The following MTUS1 variants were observed in gnomAD, a reference collection of about 807,000 sequenced individuals.
MTUS1 encodes the protein microtubule associated scaffold protein 1.
MTUS1 carries 109 observed loss-of-function variants against 120.8 expected under a neutral mutation model. The ratio of observed to expected loss-of-function variants is 0.90; its 90% CI spans 0.77 to 1.06. MTUS1 has a LOEUF of 1.06. Among genes scored for constraint, MTUS1 ranks in the 50% least tolerant of loss-of-function variants. The probability of loss-of-function intolerance (pLI) is 0.00; values close to 1 mark genes in which losing one functional copy is unlikely to be tolerated. For missense variants in MTUS1, 2,210 were observed against 1,486.3 expected, an observed-to-expected ratio of 1.49 and a Z score of -8.01; for synonymous variants, 737 against 550.5, an observed-to-expected ratio of 1.34 and a Z score of -4.74.
chr8:17,697,380 C>T (rs765838443), intron 6 of MTUS1: 1 of 1,613,758 alleles, frequency 6.2e-7, no homozygotes, highest in Admixed American at 1.7e-5. Context: ...AACAACATGT[C>T]TTCGGAGCAG....
At chr8:17,740,454 A>C (rs967037694) in intron 3 of MTUS1, among the ~76,000 whole-genome samples, 23 of 152,200 alleles carry the variant, frequency 1.5e-4, no homozygotes, top group African/African-American at 5.3e-4. Flanking sequence ...CAATTTGCTA[A>C]TACACACAGA....
At chr8:17,778,958 TCTG>T (rs1036100310) in intron 1 of MTUS1, among the ~76,000 whole-genome samples, 19 of 152,162 alleles carry the variant, frequency 1.2e-4, no homozygotes, top group African/African-American at 4.3e-4. Context: ...TGCCAAATGC[TCTG>T]CTATGAGCTA....
chr8:17,673,100 G>A (rs941034414), intron 8 of MTUS1, among the ~76,000 whole-genome samples: 1 of 152,128 alleles, frequency 6.6e-6, no homozygotes, highest in Admixed American at 6.5e-5. Context: ...CCTCTTTCCT[G>A]ATCTTCTAAC....
intron 7 of MTUS1, chr8:17,676,491 G>A (rs1302976052): frequency 1.7e-6 from 1 of 603,178 alleles, no homozygotes; most frequent in East Asian, 2.8e-5. Flanking sequence ...AGGTTACCGT[G>A]TGCCTCGGAT....
At chr8:17,671,558 G>T (rs779470936) in intron 8 of MTUS1, among the ~76,000 whole-genome samples, 1 of 152,190 alleles carries the variant, frequency 6.6e-6, no homozygotes, top group Non-Finnish European at 1.5e-5. Flanking sequence ...AAACACACAG[G>T]CTGCTTTGGA....
chr8:17,679,515 ATT>A (rs796625369), intron 7 of MTUS1, among the ~76,000 whole-genome samples: 1 of 37,052 alleles, frequency 2.7e-5, no homozygotes, highest in Non-Finnish European at 1.1e-4. Flanking sequence ...TTATTTATTT[ATT>A]TTTTGAGACA....
At chr8:17,757,528 AT>A (rs1563338849) in intron 1 of MTUS1, among the ~76,000 whole-genome samples, 2 of 152,142 alleles carry the variant, frequency 1.3e-5, no homozygotes, top group African/African-American at 4.8e-5. Context: ...TTGCAAATAA[AT>A]TATTATTGCT....
At chr8:17,660,449 G>C (rs1300756519) in intron 8 of MTUS1, among the ~76,000 whole-genome samples, 1 of 152,082 alleles carries the variant, frequency 6.6e-6, no homozygotes, top group Non-Finnish European at 1.5e-5. Context: ...CGGACACTTG[G>C]GTTGCCTCCA....
chr8:17,659,096 A>C (rs757366180), intron 8 of MTUS1, among the ~76,000 whole-genome samples: 5 of 152,212 alleles, frequency 3.3e-5, no homozygotes, highest in Non-Finnish European at 5.9e-5. Flanking sequence ...AGAGAGGCTA[A>C]ATCATCTGCC....
chr8:17,772,393 T>C (rs550681297), intron 1 of MTUS1, among the ~76,000 whole-genome samples: 51 of 152,318 alleles, frequency 3.3e-4, no homozygotes, highest in Non-Finnish European at 5.4e-4. Context: ...TGAATCCCTA[T>C]TGTTTTCAAT....
rs201911502 is a variant in MTUS1, at chr8:17,760,806, GAAAA to G, written c.-154-4849_-154-4846del. 2.5e-3 allele frequency among the ~76,000 whole-genome samples: 338 copies of G among 136,976 alleles called. 1 individual carries two copies. Among genetic ancestry groups the G allele is most frequent in the African/African-American group, 8.7e-3 (326 of 37,288 alleles). 89.9% of individuals were successfully genotyped at this position (136,976 alleles called of 152,430 possible). On this transcript the variant is annotated intron_variant, in intron 1 of 14. Coordinates refer to ENST00000693296, the MANE Select transcript of MTUS1 (RefSeq NM_001363059.2). ...AAAAAGACAGAGAGTGTGCTGGAGG[GAAAA>G]AAAAAAAAAAAACTTGAAACAAACC...
chr8:17,759,703 T>C lies in MTUS1; in HGVS notation c.-154-3742A>G, dbSNP rs186979979. Among the ~76,000 whole-genome samples the C allele has an allele frequency of 2.1e-3, 310 of 150,238 alleles. 1 individual carries two copies. The highest frequency in any genetic ancestry group is 3.2e-3 in the Non-Finnish European group (216 of 67,668). On this transcript the variant is annotated intron_variant, in intron 1 of 14. Transcript: ENST00000693296. Reference sequence around the variant, plus strand: ...CTGAGTTTTGCTTTTAAGACTCATATACTGTGGTCAGCATTGTCTCTGAAG... The same window carrying C: ...CTGAGTTTTGCTTTTAAGACTCATACACTGTGGTCAGCATTGTCTCTGAAG...
intron 6 of MTUS1, among the ~76,000 whole-genome samples, chr8:17,711,254 C>T (rs1255256240): frequency 6.6e-6 from 1 of 152,208 alleles, no homozygotes; most frequent in Non-Finnish European, 1.5e-5. Context: ...TCCTAAACAG[C>T]ATCTTCTTTC....
intron 3 of MTUS1, among the ~76,000 whole-genome samples, chr8:17,731,736 C>A (rs545594575): frequency 1.3e-4 from 20 of 152,210 alleles, no homozygotes; most frequent in African/African-American, 4.8e-4. Context: ...AAAAAAAATC[C>A]TATGCCCCCA....
intron 7 of MTUS1, among the ~76,000 whole-genome samples, chr8:17,682,251 C>G (rs1175953234): frequency 6.6e-6 from 1 of 152,182 alleles, no homozygotes; most frequent in Admixed American, 6.5e-5. Context: ...CGCAGTGGCT[C>G]ACGCCTGTAA....
In MTUS1 at chr8:17,755,884, T is replaced by C; in HGVS notation, c.-77A>G. 1 of 1,525,360 alleles carries C rather than the reference T, an allele frequency of 6.6e-7. No homozygotes were observed. Among genetic ancestry groups the C allele is most frequent in the Non-Finnish European group, 8.7e-7 (1 of 1,143,652 alleles). The allele number at this position is 1,525,360 out of a possible 1,614,324, so 94.5% of individuals were successfully genotyped here. ...TTAAATGAGAGGGTGGGCAAAATGGTCTGTCTTCTAGGTTTTTCAGCACAG... is the reference window on the plus strand; with the variant it reads ...TTAAATGAGAGGGTGGGCAAAATGGCCTGTCTTCTAGGTTTTTCAGCACAG... On this transcript the variant is annotated 5_prime_UTR_variant, in exon 2 of 15. Transcript: ENST00000693296.
intron 6 of MTUS1, among the ~76,000 whole-genome samples, chr8:17,690,418 G>A (rs542779149): frequency 3.9e-5 from 6 of 152,238 alleles, no homozygotes; most frequent in African/African-American, 1.4e-4. Flanking sequence ...AGAAGGCAAT[G>A]CTTATACACT....
At chr8:17,673,004 G>C (rs1812331329) in intron 8 of MTUS1, among the ~76,000 whole-genome samples, 1 of 152,144 alleles carries the variant, frequency 6.6e-6, no homozygotes, top group Admixed American at 6.5e-5. Context: ...CCTTGTCTTC[G>C]GAGAGAGGCT....
In MTUS1 at chr8:17,715,870, C is replaced by T; in HGVS notation, c.2481G>A (p.Glu827=). The T allele has an allele frequency of 8.1e-6, 13 of 1,613,802 alleles. No homozygotes were observed. The highest frequency in any genetic ancestry group is 1.1e-5 in the Non-Finnish European group (13 of 1,179,912). ...SGNAAVIKYE[E]KPPKPAFQNG... is the part of the protein sequence containing the mutation. ...TCTGAAATGCTGGTTTTGGAGGTTT[C>T]TCCTCATATTTGATGACAGCGGCAT... Residue 827 remains glutamate (E), a synonymous_variant, in exon 5 of 15, where the codon GAG becomes GAA. Transcript: ENST00000693296.
Sources: allele counts gnomAD v4.1 joint callset (sites outside exome capture counted in the v4.1 genomes callset), GRCh38; gene constraint gnomAD v4.1.1; transcripts MANE v1.5; gene names NCBI Gene and HGNC (gene_info 2026-07-23, HGNC 2026-07-21).